SPTB: variants seen among roughly 807,000 people sequenced by gnomAD.
The protein encoded by SPTB is spectrin beta chain, erythrocytic.
Under a neutral mutation model 256.2 loss-of-function variants are expected in SPTB, and 45 were observed. That is an observed-to-expected ratio of 0.18 (90% CI 0.14 to 0.23). The LOEUF (loss-of-function observed/expected upper bound fraction) is 0.23. Ranked by LOEUF, SPTB falls within the 10% of genes least tolerant of loss-of-function variation. The probability of loss-of-function intolerance (pLI) is 1.00; values close to 1 mark genes in which losing one functional copy is unlikely to be tolerated. For synonymous variants in SPTB, 1,231 were observed against 1,243.1 expected (o/e 0.99, Z 0.21); for missense variants, 2,715 against 3,040.4 (o/e 0.89, Z 2.52).
At chr14:64,872,245 A>C (rs1882574666) in intron 1 of SPTB, among the ~76,000 whole-genome samples, 1 of 152,218 alleles carries the variant, frequency 6.6e-6, no homozygotes, top group Non-Finnish European at 1.5e-5. Flanking sequence ...AAACAATGGA[A>C]TCATCTTATT....
At chr14:64,765,041 TGCGCGCGCGCGCGCGG>T (rs2082147262) in intron 32 of SPTB, among the ~76,000 whole-genome samples, 4 of 116,980 alleles carry the variant, frequency 3.4e-5, no homozygotes, top group Admixed American at 1.1e-4. Flanking sequence ...TGTGTGTGTG[TGCGCGCGCGCGCGCGG>T]GTGGTGGATG....
At position 64,800,020 on chromosome 14, in the gene SPTB, C is replaced by T. The variant is rs940836537; in HGVS notation, c.877-86G>A. ...AATGAGGACCACAATCAAGGTGCCA[C>T]GAAATGGGGCTCCCACCTCCTAAGC... is the stretch of plus-strand genomic sequence containing the variant. On this transcript the variant is annotated intron_variant, in intron 8 of 35. Coordinates refer to ENST00000644917, the MANE Select transcript of SPTB (RefSeq NM_001355436.2). The T allele has an allele frequency of 3.6e-5, 55 of 1,508,688 alleles. No homozygotes were observed. In the East Asian group the frequency reaches 9.5e-4, roughly 26 times the overall value. The allele number at this position is 1,508,688 out of a possible 1,614,324, so 93.5% of individuals were successfully genotyped here. A position where few individuals can be genotyped will look rare whatever the true frequency, so the allele number is the denominator to read the frequency against.
intron 33 of SPTB, chr14:64,752,291 C>T (rs2081964040): frequency 2.3e-6 from 3 of 1,311,972 alleles, no homozygotes; most frequent in Non-Finnish European, 3.0e-6. Context: ...CTGTCTCCCT[C>T]CTCTCCTCTC....
chr14:64,831,144 TCACTTCCTCTCCACCAACCTCACTGC>T (rs984459458), intron 1 of SPTB, among the ~76,000 whole-genome samples: 9 of 151,996 alleles, frequency 5.9e-5, no homozygotes, highest in African/African-American at 1.2e-4. Flanking sequence ...CTCCTCAGTC[TCACTTCCTCTCCACCAACCTCACTGC>T]CACTTCCTCC....
chr14:64,826,722 T>C lies in SPTB; in HGVS notation c.-51-3577A>G, dbSNP rs2083382571. Among the ~76,000 whole-genome samples the C allele has an allele frequency of 6.6e-6, 1 of 152,264 alleles. No homozygotes were observed. Among genetic ancestry groups the C allele is most frequent in the East Asian group, 1.9e-4 (1 of 5,184 alleles). On this transcript the variant is annotated intron_variant, in intron 1 of 35. Transcript: ENST00000644917. The surrounding 1 kb of genome is among the most constrained non-coding windows in gnomAD (Gnocchi z 4.4). ...CGTCAAAGTGTAGGTGGGTCTTCTC[T>C]GGTCTCCGTGACTCTGTGCCCAGAG... is the stretch of plus-strand genomic sequence containing the variant.
At position 64,784,524 on chromosome 14, in the gene SPTB, T is replaced by C. The variant is rs559958533; in HGVS notation, c.3856-131A>G. The C allele has an allele frequency of 7.5e-4, 927 of 1,237,962 alleles. 2 individuals carry two copies. Among genetic ancestry groups the C allele is most frequent in the Admixed American group, 2.6e-3 (154 of 58,414 alleles). The allele number at this position is 1,237,962 out of a possible 1,614,324, so 76.7% of individuals were successfully genotyped here. A position where few individuals can be genotyped will look rare whatever the true frequency, so the allele number is the denominator to read the frequency against. On this transcript the variant is annotated intron_variant, in intron 18 of 35. Transcript: ENST00000644917. ...GTGCAAGCACAGAAGAGAACCCATC[T>C]GCAGTTCTGGATCCCTCTGTACCAG...
intron 33 of SPTB, among the ~76,000 whole-genome samples, chr14:64,752,950 A>G (rs1330649157): frequency 6.6e-6 from 1 of 152,074 alleles, no homozygotes; most frequent in Non-Finnish European, 1.5e-5. Flanking sequence ...TTTCAGGGTC[A>G]GGAAAGGACG....
In SPTB at chr14:64,853,519, GAA is replaced by G. The variant is rs1451638419; in HGVS notation, c.-52+26271_-52+26272del. ...GATTCACAGCTGGTGACCACAGGGA[GAA>G]CAGTTTCAGTAGGGCACGGGGACAA... On this transcript the variant is annotated intron_variant, in intron 1 of 35. Transcript: ENST00000644917. This position sits in a 1 kb window ranked among gnomAD's most constrained non-coding sequence, Gnocchi z 4.3. Among the ~76,000 whole-genome samples, 1 of 152,224 alleles carries G rather than the reference GAA, an allele frequency of 6.6e-6. No homozygotes were observed. Among genetic ancestry groups the G allele is most frequent in the Non-Finnish European group, 1.5e-5 (1 of 68,040 alleles).
rs189393381 is a variant in SPTB at position 64,785,477 on chromosome 14, G to T, written c.3855+60C>A. ...ATCCCTGTGGACTTCCTGCCTTGAG[G>T]GAACTCTGCTTCTAGAAAGGAATCT... is the stretch of plus-strand genomic sequence containing the variant. On this transcript the variant is annotated intron_variant, in intron 18 of 35. Transcript: ENST00000644917. The surrounding 1 kb of genome is among the most constrained non-coding windows in gnomAD (Gnocchi z 4.4). The T allele has an allele frequency of 4.1e-4, 599 of 1,478,836 alleles. 12 individuals carry two copies. The East Asian group carries it at 0.011, about 26-fold the overall frequency. 91.6% of individuals were successfully genotyped at this position (1,478,836 alleles called of 1,614,324 possible).
chr14:64,869,785 G>GT (rs1882422383), intron 1 of SPTB, among the ~76,000 whole-genome samples: 1 of 62,514 alleles, frequency 1.6e-5, no homozygotes, highest in Non-Finnish European at 4.3e-5. Context: ...ACGATGCCCT[G>GT]CTTTTTTTTT....
intron 1 of SPTB, among the ~76,000 whole-genome samples, chr14:64,875,005 C>CCA (rs1386154448): frequency 6.6e-6 from 1 of 152,098 alleles, no homozygotes; most frequent in African/African-American, 2.4e-5. Flanking sequence ...AGAAAGGAAG[C>CCA]CCACTTTTGC....
chr14:64,793,797 C>T lies in SPTB; in HGVS notation c.1866G>A (p.Leu622=), dbSNP rs746055042. The change falls in exon 14 of 36, where the codon CTG becomes CTA. Residue 622 remains leucine, a synonymous_variant. Transcript: ENST00000644917. This position sits in a 1 kb window ranked among gnomAD's most constrained non-coding sequence, Gnocchi z 7.0. ...CCTTCCGCCCAGCTGCCATGTTGCT[C>T]AGCTCCTCAAAGCACTGCTCCAAGT... ...ISHLEQCFEE[L]SNMAAGRKAQ... is the part of the protein sequence containing the mutation. The T allele has an allele frequency of 6.8e-6, 11 of 1,613,348 alleles. No homozygotes were observed. In the South Asian group the frequency reaches 1.2e-4, roughly 18 times the overall value.
At chr14:64,871,616 G>A (rs1328134707) in intron 1 of SPTB, among the ~76,000 whole-genome samples, 1 of 152,198 alleles carries the variant, frequency 6.6e-6, no homozygotes, top group Non-Finnish European at 1.5e-5. Flanking sequence ...AACCTAACAC[G>A]TGGTGCTGCT....
In SPTB at chr14:64,759,114, G is replaced by T. The variant is rs1047444401; in HGVS notation, c.6346-5321C>A. 6.6e-6 allele frequency among the ~76,000 whole-genome samples: 1 copy of T among 152,210 alleles called. No individual in the cohort carries two copies. Among genetic ancestry groups the T allele is most frequent in the Non-Finnish European group, 1.5e-5 (1 of 68,042 alleles). On this transcript the variant is annotated intron_variant, in intron 32 of 35. Coordinates refer to ENST00000644917, the MANE Select transcript of SPTB (RefSeq NM_001355436.2). The surrounding 1 kb of genome is among the most constrained non-coding windows in gnomAD (Gnocchi z 4.8). The stretch of plus-strand genomic sequence containing the variant: ...GGGTTCCGGAAAAGCTCAGTGACGG[G>T]CTGAGATTAGAGCACACAGCAAGTC...
At chr14:64,821,524 C>T (rs1191302087) in intron 2 of SPTB, among the ~76,000 whole-genome samples, 1 of 152,192 alleles carries the variant, frequency 6.6e-6, no homozygotes, top group East Asian at 1.9e-4. Context: ...TCGCCAGGGT[C>T]ATTGCAGCTA....
chr14:64,813,689 A>T (rs1410680915), intron 2 of SPTB, among the ~76,000 whole-genome samples: 1 of 152,022 alleles, frequency 6.6e-6, no homozygotes, highest in Non-Finnish European at 1.5e-5. Context: ...CGCCCAGCTA[A>T]ATTTTTTTGT....
chr14:64,750,515 C>G (rs577236087), intron 33 of SPTB, among the ~76,000 whole-genome samples: 1 of 152,102 alleles, frequency 6.6e-6, no homozygotes, highest in African/African-American at 2.4e-5. Flanking sequence ...ATGGCTAACA[C>G]TTGTAATCCC....
In SPTB at chr14:64,795,408, C is replaced by T. The variant is rs55752508; in HGVS notation, c.1573G>A (p.Glu525Lys). The T allele has an allele frequency of 1.5e-4, 247 of 1,613,908 alleles. No homozygotes were observed. Among genetic ancestry groups the T allele is most frequent in the Middle Eastern group, 5.0e-4 (3 of 6,050 alleles). Residue 525 changes from glutamate (E) to lysine (K), a missense_variant, in exon 12 of 36, where the codon GAG becomes AAG. Physicochemically the swap from Glu to Lys is moderately conservative, Grantham distance 56. Coordinates refer to ENST00000644917, the MANE Select transcript of SPTB (RefSeq NM_001355436.2). The surrounding 1 kb of genome is among the most constrained non-coding windows in gnomAD (Gnocchi z 6.5). ...ELLQSRRQRL[E>K]TTLALQKLFQ... ...AGCTTCTGCAGTGCCAGGGTGGTCT[C>T]GAGCCTCTGGCGCCGGGACTGCAGC...
At chr14:64,800,707 C>T in intron 8 of SPTB, 49 bp downstream of exon 8, 1 of 1,526,624 alleles carries the variant, frequency 6.6e-7, no homozygotes, top group Non-Finnish European at 9.1e-7. Context: ...TCTGTCTGGA[C>T]CTGACAAACA....
Sources: allele counts gnomAD v4.1 joint callset (sites outside exome capture counted in the v4.1 genomes callset), GRCh38; gene constraint gnomAD v4.1.1; non-coding constraint Gnocchi (gnomAD v3.1); transcripts MANE v1.5; gene names NCBI Gene and HGNC (gene_info 2026-07-23, HGNC 2026-07-21).